ANKRD31: variants seen among roughly 807,000 people sequenced by gnomAD.
ANKRD31 encodes the protein ankyrin repeat domain-containing protein 31.
Under a neutral mutation model 186.0 loss-of-function variants are expected in ANKRD31, and 147 were observed. The ratio of observed to expected loss-of-function variants is 0.79; its 90% CI spans 0.69 to 0.91. The LOEUF (loss-of-function observed/expected upper bound fraction) is 0.91. Ranked by LOEUF, ANKRD31 falls within the 40% of genes least tolerant of loss-of-function variation. The probability of loss-of-function intolerance (pLI) is 0.00; values close to 1 mark genes in which losing one functional copy is unlikely to be tolerated. For synonymous variants in ANKRD31, 673 were observed against 736.4 expected (o/e 0.91, Z 1.39); for missense variants, 1,986 against 2,148.8 (o/e 0.92, Z 1.50).
Position 75,104,375 on chromosome 5 carries a change from G to A in ANKRD31, c.5184C>T (p.Ser1728=), listed in dbSNP as rs1747155591. ...CTTGTTGCCCAGATCCAGAGGAAGA[G>A]GAGATCTGACTGTCATCTGCACATG... ...VVPCADDSQI[S]SSSGSGQQDT... is the part of the protein sequence containing the mutation. The change falls in exon 22 of 26, where the codon TCC becomes TCT. Residue 1728 remains serine, a synonymous_variant. Transcript: ENST00000506364. The A allele has an allele frequency of 6.5e-7, 1 of 1,537,036 alleles. No individual in the cohort carries two copies. The highest frequency in any genetic ancestry group is 8.7e-7 in the Non-Finnish European group (1 of 1,146,892).
intron 11 of ANKRD31, among the ~76,000 whole-genome samples, chr5:75,156,425 A>AGAAAG (rs1332340323): frequency 1.3e-5 from 2 of 152,342 alleles, no homozygotes; most frequent in Non-Finnish European, 2.9e-5. Context: ...TAAAAATTAC[A>AGAAAG]GAAAGGTATT....
intron 2 of ANKRD31, chr5:75,225,575 C>T: frequency 3.8e-6 from 1 of 260,830 alleles, no homozygotes; most frequent in Non-Finnish European, 7.5e-6. Flanking sequence ...TGAGACAGAT[C>T]AGATTCCAAT....
chr5:75,199,536 G>A (rs1202161349), intron 6 of ANKRD31, 95 bp downstream of exon 6: 3 of 909,496 alleles, frequency 3.3e-6, no homozygotes, highest in Non-Finnish European at 4.8e-6. Context: ...AGATGAGGGT[G>A]AGGGTCTAAA....
intron 11 of ANKRD31, among the ~76,000 whole-genome samples, chr5:75,156,181 A>G (rs1267199741): frequency 1.3e-5 from 2 of 152,186 alleles, no homozygotes; most frequent in African/African-American, 4.8e-5. Context: ...TTGAGATTAC[A>G]GGTGTGAGCC....
At chr5:75,165,660 A>G (rs1052571976) in intron 11 of ANKRD31, among the ~76,000 whole-genome samples, 1 of 152,218 alleles carries the variant, frequency 6.6e-6, no homozygotes, top group African/African-American at 2.4e-5. Flanking sequence ...CCATCAAAAC[A>G]TAACAATTTA....
chr5:75,203,580 T>A (rs575438016), intron 5 of ANKRD31, among the ~76,000 whole-genome samples: 2 of 150,748 alleles, frequency 1.3e-5, no homozygotes, highest in South Asian at 4.2e-4. Flanking sequence ...GGAGAATTGG[T>A]TGAACCCGGG....
chr5:75,072,189 C>T (rs762455457), intron 25 of ANKRD31, among the ~76,000 whole-genome samples: 31 of 152,188 alleles, frequency 2.0e-4, no homozygotes, highest in Non-Finnish European at 4.1e-4. Context: ...TTTTTCTCCT[C>T]ATTAACAATC....
In ANKRD31 at chr5:75,154,237, T is replaced by C. The variant is rs1435742975; in HGVS notation, c.1816A>G (p.Arg606Gly). 3.3e-6 allele frequency: 5 copies of C among 1,532,142 alleles called. No homozygotes were observed. In the East Asian group the frequency reaches 1.2e-4, roughly 38 times the overall value. 94.9% of individuals were successfully genotyped at this position (1,532,142 alleles called of 1,614,324 possible). A position where few individuals can be genotyped will look rare whatever the true frequency, so the allele number is the denominator to read the frequency against. ...CATTTTTGATGTTTAGGGATATATC[T>C]CTCAAGGAGACGCTTCATACATAAA... ...KDLCMKRLLE[R>G]YIPKHQKCLT... The change falls in exon 12 of 26, where the codon AGA becomes GGA. Residue 606 changes from arginine to glycine, a missense_variant. Transcript: ENST00000506364.
chr5:75,236,261 T>G (rs1017233497), intron 1 of ANKRD31, among the ~76,000 whole-genome samples: 12 of 152,174 alleles, frequency 7.9e-5, no homozygotes, highest in Non-Finnish European at 1.5e-4. Context: ...TGAAACAAAA[T>G]GCAGTTAAGT....
chr5:75,132,323 A>G (rs548560422), intron 17 of ANKRD31, among the ~76,000 whole-genome samples: 1 of 152,310 alleles, frequency 6.6e-6, no homozygotes, highest in African/African-American at 2.4e-5. Context: ...AAGACCTTAA[A>G]TAACCTGATG....
intron 23 of ANKRD31, among the ~76,000 whole-genome samples, chr5:75,090,993 T>C (rs1745881811): frequency 6.6e-6 from 1 of 152,156 alleles, no homozygotes; most frequent in African/African-American, 2.4e-5. Context: ...GTTCTGAGAC[T>C]AGATAAGGAG....
chr5:75,197,445 C>G (rs1755543195), intron 6 of ANKRD31, among the ~76,000 whole-genome samples: 1 of 152,150 alleles, frequency 6.6e-6, no homozygotes, highest in Non-Finnish European at 1.5e-5. Context: ...TTCTAATATT[C>G]TAATCTGGTA....
At chr5:75,074,953 C>T (rs1744515687) in intron 25 of ANKRD31, among the ~76,000 whole-genome samples, 1 of 152,168 alleles carries the variant, frequency 6.6e-6, no homozygotes, top group Non-Finnish European at 1.5e-5. Flanking sequence ...TATATTTCTA[C>T]ACAAAAGCAC....
chr5:75,086,192 T>C (rs1580294206), intron 23 of ANKRD31, among the ~76,000 whole-genome samples: 1 of 152,216 alleles, frequency 6.6e-6, no homozygotes, highest in Non-Finnish European at 1.5e-5. Flanking sequence ...TTTTTATTAG[T>C]TAGTGCTGGG....
chr5:75,118,334 C>T (rs1167452103), intron 17 of ANKRD31, 37 bp from the exon 18 acceptor site: 5 of 1,346,844 alleles, frequency 3.7e-6, no homozygotes, highest in East Asian at 2.9e-5. Flanking sequence ...TCTACAGACA[C>T]CAAAGATGAA....
intron 5 of ANKRD31, among the ~76,000 whole-genome samples, chr5:75,200,188 G>A (rs1255732735): frequency 3.3e-5 from 5 of 152,024 alleles, no homozygotes; most frequent in Non-Finnish European, 7.4e-5. Context: ...CTCTCACCCT[G>A]CCCCCTCTGA....
At position 75,168,990 on chromosome 5, in the gene ANKRD31, C is replaced by G; in HGVS notation, c.1696G>C (p.Gly566Arg). 2 of 1,535,412 alleles carry G rather than the reference C, an allele frequency of 1.3e-6. No homozygotes were observed. Among genetic ancestry groups the G allele is most frequent in the Non-Finnish European group, 1.7e-6 (2 of 1,145,704 alleles). ...ITPLHDAVMN[G>R]HYKVAELLLL... ...AAGCATCACAGTACCTTATAATGTC[C>G]ATTCATCACTGCATCATGTAGGGGA... The change falls in exon 11 of 26, where the codon GGA (glycine) becomes CGA (arginine). Residue 566 changes from glycine (G) to arginine (R), a missense_variant. By Grantham distance (125) the Gly-to-Arg change is moderately radical. Coordinates refer to ENST00000506364, the MANE Select transcript of ANKRD31 (RefSeq NM_001372053.1).
In ANKRD31 at chr5:75,168,972, A is replaced by G. The variant is rs2150187943; in HGVS notation, c.1707+7T>C. The G allele has an allele frequency of 6.5e-7, 1 of 1,531,740 alleles. No individual in the cohort carries two copies. Among genetic ancestry groups the G allele is most frequent in the South Asian group, 1.2e-5 (1 of 83,398 alleles). 94.9% of individuals were successfully genotyped at this position (1,531,740 alleles called of 1,614,324 possible). On this transcript the variant is annotated splice_region_variant and intron_variant, in intron 11 of 25. Transcript: ENST00000506364. The stretch of plus-strand genomic sequence containing the variant: ...TATTTGTTCTGCAAATAAAAGCATC[A>G]CAGTACCTTATAATGTCCATTCATC...
Position 75,093,497 on chromosome 5 carries a change from C to A in ANKRD31, c.5332-2096G>T, listed in dbSNP as rs551729896. On this transcript the variant is annotated intron_variant, in intron 22 of 25. Transcript: ENST00000506364. ...AACTGTGTCACAACAACAACAACAA[C>A]AACAAAAAAAACTTACCAAACTTAC... 3.5e-4 allele frequency among the ~76,000 whole-genome samples: 52 copies of A among 150,176 alleles called. No homozygotes were observed. The East Asian group carries it at 5.1e-3, about 15-fold the overall frequency.
Sources: allele counts gnomAD v4.1 joint callset (sites outside exome capture counted in the v4.1 genomes callset), GRCh38; gene constraint gnomAD v4.1.1; transcripts MANE v1.5; gene names NCBI Gene and HGNC (gene_info 2026-07-23, HGNC 2026-07-21).